Variants in EBF1 observed in about 807,000 individuals in gnomAD.
The protein encoded by EBF1 is EBF transcription factor 1, also known as transcription factor COE1.
A neutral mutation model predicts 68.4 loss-of-function variants in EBF1; 10 were observed. The ratio of observed to expected loss-of-function variants is 0.15; its 90% confidence interval spans 0.09 to 0.25. EBF1 has a LOEUF of 0.25. EBF1 is among the 10% of genes least tolerant of loss of function. The pLI, the probability that EBF1 is intolerant of heterozygous loss-of-function variation, is 1.00. For synonymous variants in EBF1, 298 were observed against 299.8 expected, an observed-to-expected ratio of 0.99 and a Z score of 0.06; for missense variants, 509 against 794.4, an observed-to-expected ratio of 0.64 and a Z score of 4.32.
chr5:159,096,523 C>T, intron 2 of EBF1, 117 bp from the exon 3 acceptor site: 2 of 1,125,322 alleles, frequency 1.8e-6, no homozygotes, highest in South Asian at 2.8e-5. Flanking sequence ...GCGAGCCAGG[C>T]AGCCACGGTA....
At chr5:158,995,163 T>C (rs1003468096) in intron 6 of EBF1, among the ~76,000 whole-genome samples, 1 of 152,208 alleles carries the variant, frequency 6.6e-6, no homozygotes, top group Admixed American at 6.5e-5. Flanking sequence ...GAGTAAGTAG[T>C]AGAAAATTGG....
intron 6 of EBF1, among the ~76,000 whole-genome samples, chr5:158,975,163 C>G (rs2127572279): frequency 6.6e-6 from 1 of 152,266 alleles, no homozygotes; most frequent in South Asian, 2.1e-4. Context: ...CCCTCTTTAT[C>G]CCTTTTGTCC....
chr5:158,989,653 A>G (rs1470136363), intron 6 of EBF1, among the ~76,000 whole-genome samples: 1 of 152,212 alleles, frequency 6.6e-6, no homozygotes, highest in Admixed American at 6.5e-5. Flanking sequence ...ATGAGGAGAG[A>G]GGATCAGCAG....
At chr5:159,098,988 A>T (rs1247476195) in intron 1 of EBF1, among the ~76,000 whole-genome samples, 1 of 152,264 alleles carries the variant, frequency 6.6e-6, no homozygotes, top group South Asian at 2.1e-4. Flanking sequence ...AGAAGAAAAG[A>T]GAGCCGGCCG....
intron 6 of EBF1, among the ~76,000 whole-genome samples, chr5:158,987,657 C>T (rs1409489389): frequency 6.6e-6 from 1 of 152,126 alleles, no homozygotes; most frequent in Non-Finnish European, 1.5e-5. Flanking sequence ...TAGGGAAGAC[C>T]ACTAAAAGTA....
At position 158,918,673 on chromosome 5, in the gene EBF1, T is replaced by A. The variant is rs934067731; in HGVS notation, c.555-78563A>T. On this transcript the variant is annotated intron_variant, in intron 6 of 15. Coordinates refer to ENST00000313708, the MANE Select transcript of EBF1 (RefSeq NM_024007.5). ...TGTAACTAAACCCACCTCTCACCCA[T>A]CTCTCTCCACTCCCCACACTTACCC... is the stretch of plus-strand genomic sequence containing the variant. Among the ~76,000 whole-genome samples the A allele has an allele frequency of 2.6e-5, 4 of 151,552 alleles. No homozygotes were observed. In the South Asian group the frequency reaches 6.2e-4, roughly 24 times the overall value.
At chr5:158,722,001 G>A (rs573771787) in intron 11 of EBF1, among the ~76,000 whole-genome samples, 5 of 151,974 alleles carry the variant, frequency 3.3e-5, no homozygotes, top group African/African-American at 1.2e-4. Flanking sequence ...CAGATACAGT[G>A]AAAAATGGTG....
chr5:158,793,802 A>C (rs932090927), intron 9 of EBF1, among the ~76,000 whole-genome samples: 2 of 152,180 alleles, frequency 1.3e-5, no homozygotes, highest in Non-Finnish European at 2.9e-5. Context: ...ACCATTATAC[A>C]ATGGATTTCT....
chr5:159,095,583 C>A, intron 4 of EBF1, 37 bp downstream of exon 4: 2 of 1,611,974 alleles, frequency 1.2e-6, no homozygotes, highest in Non-Finnish European at 1.7e-6. Context: ...AATTTTGTGA[C>A]ATAGAGCCCC....
At chr5:158,865,475 C>T (rs55916978) in intron 6 of EBF1, among the ~76,000 whole-genome samples, 8,214 of 152,154 alleles carry the variant, frequency 0.054, 295 homozygotes, top group Non-Finnish European at 0.071. Flanking sequence ...TATGAAGTTC[C>T]AAGGGCTGTG....
chr5:158,967,084 A>G (rs992807504), intron 6 of EBF1, among the ~76,000 whole-genome samples: 28 of 151,530 alleles, frequency 1.8e-4, no homozygotes, highest in African/African-American at 5.8e-4. Flanking sequence ...TTCAGGAAAT[A>G]AGAGATTTGG....
chr5:159,073,409 C>T lies in EBF1; in HGVS notation c.541G>A (p.Val181Met), dbSNP rs777757859. The T allele has an allele frequency of 6.2e-7, 1 of 1,614,152 alleles. No homozygotes were observed. Among genetic ancestry groups the T allele is most frequent in the East Asian group, 2.2e-5 (1 of 44,890 alleles). The change falls in exon 6 of 16, where the codon GTG becomes ATG. Residue 181 changes from valine (V) to methionine (M), a missense_variant. Physicochemically the swap from Val to Met is conservative, Grantham distance 21 (BLOSUM62 1). This residue lies in a region of EBF1 where 230 missense variants were observed against 467.7 expected (regional missense o/e 0.49). Transcript: ENST00000313708. ...GNRNETPSDP[V>M]IIDRFFLKFF... ...AGTGGTCCCTACCTGTCAATTATCA[C>T]TGGATCTGAGGGAGTCTCATTTCGG...
chr5:158,844,782 C>T (rs545715007), intron 6 of EBF1, among the ~76,000 whole-genome samples: 1 of 152,296 alleles, frequency 6.6e-6, no homozygotes, highest in East Asian at 1.9e-4. Flanking sequence ...AGGTGACATC[C>T]TATTAAAAGT....
At chr5:159,096,911 G>C in intron 2 of EBF1, 63 bp downstream of exon 2, 2 of 1,581,028 alleles carry the variant, frequency 1.3e-6, no homozygotes, top group Non-Finnish European at 1.7e-6. Context: ...CGCTGCCCAA[G>C]GCTCCCGGGC....
intron 6 of EBF1, among the ~76,000 whole-genome samples, chr5:159,072,416 GTTTT>G (rs200693447): frequency 6.6e-6 from 1 of 151,296 alleles, no homozygotes; most frequent in African/African-American, 2.4e-5. Flanking sequence ...AGAAAGATGG[GTTTT>G]TTTTTCTTTT....
At chr5:159,034,944 T>TA (rs1769727304) in intron 6 of EBF1, among the ~76,000 whole-genome samples, 1 of 152,060 alleles carries the variant, frequency 6.6e-6, no homozygotes, top group Non-Finnish European at 1.5e-5. Flanking sequence ...GACCAGTCAA[T>TA]AAAAATCTGG....
At chr5:159,025,406 C>A (rs1767520288) in intron 6 of EBF1, among the ~76,000 whole-genome samples, 2 of 152,246 alleles carry the variant, frequency 1.3e-5, no homozygotes, top group African/African-American at 4.8e-5. Context: ...GGATGTCCCA[C>A]TGAAGAATTC....
chr5:158,907,131 T>C (rs1275643343), intron 6 of EBF1, among the ~76,000 whole-genome samples: 3 of 152,226 alleles, frequency 2.0e-5, no homozygotes, highest in Non-Finnish European at 2.9e-5. Flanking sequence ...TATGGCTAGA[T>C]ACTGGGAGTA....
chr5:158,919,322 G>T (rs1807892195), intron 6 of EBF1, among the ~76,000 whole-genome samples: 1 of 152,012 alleles, frequency 6.6e-6, no homozygotes, highest in Non-Finnish European at 1.5e-5. Flanking sequence ...GTAACATGTG[G>T]TCTAAGTAGC....
Sources: allele counts gnomAD v4.1 joint callset (sites outside exome capture counted in the v4.1 genomes callset), GRCh38; gene constraint gnomAD v4.1.1; regional missense constraint gnomAD v4.1.1; transcripts MANE v1.5; gene names NCBI Gene and HGNC (gene_info 2026-07-23, HGNC 2026-07-21).